The following OTUD7B variants were observed in gnomAD, a reference collection of about 807,000 sequenced individuals.
OTUD7B encodes OTU deubiquitinase 7B.
A neutral mutation model predicts 82.2 loss-of-function variants in OTUD7B; 34 were observed. The ratio of observed to expected loss-of-function variants is 0.41; its 90% confidence interval spans 0.31 to 0.55. The LOEUF (loss-of-function observed/expected upper bound fraction) is 0.55, where lower values mean the gene tolerates loss of function less well. Ranked by LOEUF, OTUD7B falls within the 20% of genes least tolerant of loss-of-function variation. OTUD7B has a pLI of 0.20. For synonymous variants in OTUD7B, 398 were observed against 402.7 expected, an observed-to-expected ratio of 0.99 and a Z score of 0.14; for missense variants, 944 against 1,062.1, an observed-to-expected ratio of 0.89 and a Z score of 1.55.
At chr1:150,056,394 A>C in the OTUD7B span, among the ~76,000 whole-genome samples, 1 of 152,206 alleles carries the variant, frequency 6.6e-6, no homozygotes, top group African/African-American at 2.4e-5. Context: ...GGAGGCAAGC[A>C]CATGATAAAT....
At chr1:150,000,904 G>A (rs1252882322) in intron 1 of OTUD7B, among the ~76,000 whole-genome samples, 5 of 151,622 alleles carry the variant, frequency 3.3e-5, no homozygotes, top group African/African-American at 7.3e-5. Context: ...GCTTGAACCC[G>A]GGAGGCAGAG....
At chr1:150,022,592 G>A in the OTUD7B span, among the ~76,000 whole-genome samples, 1 of 151,928 alleles carries the variant, frequency 6.6e-6, no homozygotes, top group Admixed American at 6.6e-5. Context: ...TGCCTCACCT[G>A]GGAGCTCATT....
At chr1:150,001,819 C>T (rs1553784877) in intron 1 of OTUD7B, among the ~76,000 whole-genome samples, 2 of 152,146 alleles carry the variant, frequency 1.3e-5, no homozygotes, top group East Asian at 3.9e-4. Context: ...ATTTAAAAAT[C>T]ACAACTCAGA....
chr1:149,975,216 C>T (rs953782327), intron 2 of OTUD7B, among the ~76,000 whole-genome samples: 2 of 152,190 alleles, frequency 1.3e-5, no homozygotes, highest in African/African-American at 4.8e-5. Flanking sequence ...AATCACTCCT[C>T]GGAAAAGGCC....
At chr1:150,054,379 A>T in the OTUD7B span, 1 of 539,788 alleles carries the variant, frequency 1.9e-6, no homozygotes, top group Admixed American at 2.0e-5. Flanking sequence ...GTGGCTGGTT[A>T]CTTGTGACTG....
the OTUD7B span, among the ~76,000 whole-genome samples, chr1:150,019,528 G>A: frequency 7.9e-5 from 12 of 151,940 alleles, 1 homozygote; most frequent in Admixed American, 7.2e-4. Flanking sequence ...CACCATGCCT[G>A]GCTAATTTTT....
chr1:149,961,700 T>C (rs1344680371), intron 6 of OTUD7B: 1 of 152,236 alleles, frequency 6.6e-6, no homozygotes, highest in East Asian at 1.9e-4. Context: ...ATACATGTTA[T>C]AACCTGTTGC....
chr1:150,056,498 G>C, the OTUD7B span, among the ~76,000 whole-genome samples: 1 of 152,044 alleles, frequency 6.6e-6, no homozygotes, highest in African/African-American at 2.4e-5. Flanking sequence ...TTATAGCTAG[G>C]CTAAAGACTA....
chr1:149,993,138 CTG>C (rs1256663152), intron 1 of OTUD7B, among the ~76,000 whole-genome samples: 10 of 152,020 alleles, frequency 6.6e-5, no homozygotes, highest in Non-Finnish European at 2.9e-5. Flanking sequence ...GCAACAGAGA[CTG>C]TCTCAAAAAA....
intron 3 of OTUD7B, 107 bp from the exon 4 acceptor site, chr1:149,967,628 A>G: frequency 1.4e-6 from 1 of 723,962 alleles, no homozygotes; most frequent in African/African-American, 1.8e-5. Context: ...TCAGAGAAAA[A>G]CTAAGTCTAA....
chr1:150,043,375 T>C, the OTUD7B span, among the ~76,000 whole-genome samples: 4 of 152,094 alleles, frequency 2.6e-5, no homozygotes, highest in Non-Finnish European at 4.4e-5. Context: ...TAAAAAAGAA[T>C]TGGTTGGCAG....
intron 1 of OTUD7B, among the ~76,000 whole-genome samples, chr1:149,990,685 T>C (rs1477773644): frequency 3.3e-5 from 5 of 152,192 alleles, no homozygotes; most frequent in Non-Finnish European, 7.3e-5. Context: ...ATGGAAAACA[T>C]ATACACATAG....
chr1:149,969,950 C>T (rs1489680678), intron 3 of OTUD7B, among the ~76,000 whole-genome samples: 3 of 152,206 alleles, frequency 2.0e-5, no homozygotes, highest in African/African-American at 7.2e-5. Context: ...GATCCACCAG[C>T]CTTGGTCTCC....
chr1:150,050,323 T>C, the OTUD7B span, among the ~76,000 whole-genome samples: 3 of 151,960 alleles, frequency 2.0e-5, no homozygotes, highest in East Asian at 5.8e-4. Context: ...ATTTAAACAA[T>C]AAAAAGAAGA....
chr1:150,013,545 A>G (rs1553787852), upstream of OTUD7B, among the ~76,000 whole-genome samples: 1 of 152,154 alleles, frequency 6.6e-6, no homozygotes, highest in African/African-American at 2.4e-5. Flanking sequence ...TAAAAACTAC[A>G]TATTATACAT....
At chr1:150,030,488 A>G in the OTUD7B span, among the ~76,000 whole-genome samples, 1 of 152,034 alleles carries the variant, frequency 6.6e-6, no homozygotes, top group East Asian at 1.9e-4. Flanking sequence ...TTAATGTTTC[A>G]TTTATCTTCT....
intron 1 of OTUD7B, among the ~76,000 whole-genome samples, chr1:150,009,941 T>A (rs587674897): frequency 7.9e-5 from 12 of 151,040 alleles, no homozygotes; most frequent in African/African-American, 2.9e-4. Flanking sequence ...TCTCCCTCTC[T>A]CACACACACA....
At chr1:149,959,480 A>G (rs1204674575) in intron 7 of OTUD7B, among the ~76,000 whole-genome samples, 3 of 152,178 alleles carry the variant, frequency 2.0e-5, no homozygotes, top group Non-Finnish European at 2.9e-5. Context: ...CAAAGTCTAG[A>G]TGGGCTACTT....
the OTUD7B span, among the ~76,000 whole-genome samples, chr1:150,059,940 C>CAAACAAACA: frequency 6.6e-6 from 1 of 151,902 alleles, no homozygotes; most frequent in African/African-American, 2.4e-5. Flanking sequence ...TTTGCCATTG[C>CAAACAAACA]AAACAAACAA....
Sources: gnomAD v4.1 joint callset for allele counts (sites outside exome capture counted in the v4.1 genomes callset) on GRCh38, gnomAD v4.1.1 for gene constraint, MANE v1.5 for transcripts, NCBI Gene and HGNC (gene_info 2026-07-23, HGNC 2026-07-21) for gene names.